The following TRHDE variants were observed in gnomAD, a reference collection of about 807,000 sequenced individuals.
TRHDE encodes thyrotropin releasing hormone degrading enzyme, also known as thyrotropin-releasing hormone-degrading ectoenzyme.
A neutral mutation model predicts 125.7 loss-of-function variants in TRHDE; 72 were observed. The observed-to-expected ratio is 0.57, with a 90% confidence interval of 0.47 to 0.70. The LOEUF (loss-of-function observed/expected upper bound fraction) is 0.70, where lower values mean the gene tolerates loss of function less well. Among genes scored for constraint, TRHDE ranks in the 30% least tolerant of loss-of-function variants. TRHDE has a pLI of 0.00. For synonymous variants in TRHDE, 509 were observed against 509.1 expected, an observed-to-expected ratio of 1.00 and a Z score of 0.00; for missense variants, 1,110 against 1,327.1, an observed-to-expected ratio of 0.84 and a Z score of 2.54.
intron 18 of TRHDE, 118 bp from the exon 19 acceptor site, chr12:72,662,934 G>T (rs1874971267): frequency 9.6e-7 from 1 of 1,042,786 alleles, no homozygotes; most frequent in Admixed American, 2.6e-5. Flanking sequence ...AGTGGTCATG[G>T]CATTTTGTTT....
chr12:72,365,015 T>C (rs1871284905), intron 2 of TRHDE, among the ~76,000 whole-genome samples: 1 of 152,118 alleles, frequency 6.6e-6, no homozygotes, highest in Admixed American at 6.6e-5. Flanking sequence ...GATTAAATGC[T>C]ACTGTTTTAT....
chr12:72,384,406 A>G (rs1249812783), intron 3 of TRHDE, among the ~76,000 whole-genome samples: 2 of 152,204 alleles, frequency 1.3e-5, no homozygotes, highest in Non-Finnish European at 1.5e-5. Context: ...ACAGAAATGA[A>G]TGAATTAGAG....
chr12:72,574,494 G>C (rs1345590236), intron 10 of TRHDE, among the ~76,000 whole-genome samples: 1 of 152,062 alleles, frequency 6.6e-6, no homozygotes. Flanking sequence ...TGTTTCCATG[G>C]AGTCAATAAA....
intron 7 of TRHDE, among the ~76,000 whole-genome samples, chr12:72,545,393 T>A (rs557602092): frequency 6.6e-6 from 1 of 151,538 alleles, no homozygotes; most frequent in Non-Finnish European, 1.5e-5. Flanking sequence ...GACATTACAG[T>A]TATGAAATGT....
At chr12:72,544,447 G>A (rs1207015278) in intron 7 of TRHDE, among the ~76,000 whole-genome samples, 1 of 151,432 alleles carries the variant, frequency 6.6e-6, no homozygotes, top group Admixed American at 6.6e-5. Context: ...CATTAACCAT[G>A]GTTATTTCCA....
chr12:72,091,616 TGGA>T (rs1874792533), intron 1 of TRHDE, among the ~76,000 whole-genome samples: 1 of 152,126 alleles, frequency 6.6e-6, no homozygotes, highest in African/African-American at 2.4e-5. Context: ...AGAATATTGT[TGGA>T]GGCCGAAAGA....
intron 2 of TRHDE, among the ~76,000 whole-genome samples, chr12:72,372,027 A>T (rs561036614): frequency 5.3e-5 from 8 of 152,204 alleles, no homozygotes; most frequent in African/African-American, 1.9e-4. Flanking sequence ...AAGTGTTCCT[A>T]TTTCTCCACA....
chr12:72,603,017 A>T (rs1872269494), intron 12 of TRHDE, among the ~76,000 whole-genome samples: 1 of 152,190 alleles, frequency 6.6e-6, no homozygotes, highest in Non-Finnish European at 1.5e-5. Flanking sequence ...CAGAACTATA[A>T]CACCAAGCAA....
intron 2 of TRHDE, among the ~76,000 whole-genome samples, chr12:72,178,463 A>G (rs1388367910): frequency 6.6e-6 from 1 of 152,108 alleles, no homozygotes; most frequent in Non-Finnish European, 1.5e-5. Context: ...CAAACATTTT[A>G]TTTTCCTAAA....
At chr12:72,240,670 C>T (rs915950468) in intron 2 of TRHDE, among the ~76,000 whole-genome samples, 4 of 151,698 alleles carry the variant, frequency 2.6e-5, no homozygotes, top group African/African-American at 9.7e-5. Context: ...CCCAGGTTCA[C>T]GCCATTCTCC....
chr12:72,411,798 C>T (rs1274363109), intron 3 of TRHDE, among the ~76,000 whole-genome samples: 1 of 152,028 alleles, frequency 6.6e-6, no homozygotes, highest in Non-Finnish European at 1.5e-5. Context: ...AGGAAAAGAA[C>T]AGAGTAGAAA....
Position 72,273,448 on chromosome 12 carries a change from A to T in TRHDE, c.805A>T (p.Thr269Ser). 6.2e-7 allele frequency: 1 copy of T among 1,614,000 alleles called. No homozygotes were observed. Among genetic ancestry groups the T allele is most frequent in the South Asian group, 1.1e-5 (1 of 91,080 alleles). ...TQVLVVVLNRTLDAQRNYNLK... is the reference protein window; with the variant it reads ...TQVLVVVLNRSLDAQRNYNLK... Reference sequence around the variant, plus strand: ...GGTCTTAGTGGTGGTGCTGAATAGGACACTGGACGCGCAGAGGAATTACAA... The same window carrying T: ...GGTCTTAGTGGTGGTGCTGAATAGGTCACTGGACGCGCAGAGGAATTACAA... Residue 269 changes from threonine to serine, a missense_variant, in exon 1 of 19, where the codon ACA becomes TCA. This residue lies in a region of TRHDE where 252 missense variants were observed against 274.8 expected (regional missense o/e 0.92). Coordinates refer to ENST00000261180, the MANE Select transcript of TRHDE (RefSeq NM_013381.3). The surrounding 1 kb of genome is among the most constrained non-coding windows in gnomAD (Gnocchi z 5.3).
chr12:72,250,868 T>C (rs1878669500), intron 2 of TRHDE, among the ~76,000 whole-genome samples: 1 of 71,702 alleles, frequency 1.4e-5, no homozygotes, highest in Admixed American at 1.3e-4. Flanking sequence ...ATATATTTTA[T>C]TTTTATTGCA....
chr12:72,512,616 TA>T, intron 6 of TRHDE, among the ~76,000 whole-genome samples: 1 of 142,206 alleles, frequency 7.0e-6, no homozygotes. Context: ...TAATTATATA[TA>T]ATCATATATA....
At chr12:72,099,809 G>A (rs1305390658) in intron 1 of TRHDE, among the ~76,000 whole-genome samples, 3 of 152,094 alleles carry the variant, frequency 2.0e-5, no homozygotes, top group Non-Finnish European at 4.4e-5. Context: ...GCAATTCAAA[G>A]ACTCTTTACA....
At position 72,597,720 on chromosome 12, in the gene TRHDE, T is replaced by C. The variant is rs1316550260; in HGVS notation, c.2322-21171T>C. Among the ~76,000 whole-genome samples the C allele has an allele frequency of 2.4e-3, 10 of 4,244 alleles. 1 individual carries two copies. The highest frequency in any genetic ancestry group is 5.7e-3 in the African/African-American group (5 of 880). 2.8% of individuals were successfully genotyped at this position (4,244 alleles called of 152,430 possible). A position where few individuals can be genotyped will look rare whatever the true frequency, so the allele number is the denominator to read the frequency against. On this transcript the variant is annotated intron_variant, in intron 12 of 18. Coordinates refer to ENST00000261180, the MANE Select transcript of TRHDE (RefSeq NM_013381.3). ...ATATATGTGTGTGTGTATGTATATA[T>C]ATATATATATATATATATATATATA...
chr12:72,389,288 C>T (rs1435588283), intron 3 of TRHDE, among the ~76,000 whole-genome samples: 3 of 151,916 alleles, frequency 2.0e-5, no homozygotes, highest in Non-Finnish European at 4.4e-5. Context: ...GGAGTAATAC[C>T]AAGGAGATCA....
chr12:72,309,026 C>T (rs904303267), intron 2 of TRHDE, among the ~76,000 whole-genome samples: 13 of 152,102 alleles, frequency 8.5e-5, no homozygotes, highest in South Asian at 2.1e-4. Flanking sequence ...AATTTATGTA[C>T]GGGATGGCAC....
chr12:72,640,259 C>T (rs1295832490), intron 15 of TRHDE, among the ~76,000 whole-genome samples: 1 of 152,218 alleles, frequency 6.6e-6, no homozygotes, highest in African/African-American at 2.4e-5. Flanking sequence ...TGGGAGTGAC[C>T]CGATCTTCCA....
Sources: allele counts gnomAD v4.1 joint callset (sites outside exome capture counted in the v4.1 genomes callset), GRCh38; gene constraint gnomAD v4.1.1; regional missense constraint gnomAD v4.1.1; non-coding constraint Gnocchi (gnomAD v3.1); transcripts MANE v1.5; gene names NCBI Gene and HGNC (gene_info 2026-07-23, HGNC 2026-07-21).